The following NEK11 variants were observed in gnomAD, a reference collection of about 807,000 sequenced individuals.
The protein encoded by NEK11 is NIMA related kinase 11, also known as serine/threonine-protein kinase Nek11.
Under a neutral mutation model 80.7 loss-of-function variants are expected in NEK11, and 72 were observed. The ratio of observed to expected loss-of-function variants is 0.89; its 90% CI spans 0.74 to 1.08. The LOEUF (loss-of-function observed/expected upper bound fraction) is 1.08. Among genes scored for constraint, NEK11 ranks in the 50% least tolerant of loss-of-function variants. NEK11 has a pLI of 0.00. For missense variants in NEK11, 764 were observed against 763.6 expected, an observed-to-expected ratio of 1.00 and a Z score of -0.01; for synonymous variants, 251 against 260.7, an observed-to-expected ratio of 0.96 and a Z score of 0.36.
chr3:131,202,948 T>G (rs2094297963), intron 14 of NEK11, among the ~76,000 whole-genome samples: 1 of 152,158 alleles, frequency 6.6e-6, no homozygotes, highest in Non-Finnish European at 1.5e-5. Context: ...GGAGAGGATG[T>G]GGAGAAATAG....
chr3:131,226,498 A>G (rs12633927), intron 14 of NEK11, among the ~76,000 whole-genome samples: 7,068 of 152,234 alleles, frequency 0.046, 298 homozygotes, highest in African/African-American at 0.1. Context: ...CTCAGCCATT[A>G]AAAAAAGAAT....
At chr3:131,039,226 T>TA (rs2066091657) in intron 3 of NEK11, among the ~76,000 whole-genome samples, 1 of 152,194 alleles carries the variant, frequency 6.6e-6, no homozygotes, top group African/African-American at 2.4e-5. Flanking sequence ...TGTTTTATAA[T>TA]AAAAAGTGAG....
At chr3:131,072,948 C>G (rs1275286441) in intron 3 of NEK11, among the ~76,000 whole-genome samples, 1 of 152,122 alleles carries the variant, frequency 6.6e-6, no homozygotes, top group African/African-American at 2.4e-5. Context: ...TGCTCTGATG[C>G]ATTTTTTTTG....
At position 131,276,505 on chromosome 3, in the gene NEK11, C is replaced by T. The variant is rs553516236; in HGVS notation, c.1718+2931C>T. On this transcript the variant is annotated intron_variant, in intron 17 of 17. Transcript: ENST00000383366. Reference sequence around the variant, plus strand: ...GGGCCACTCTGGGAAGGGGCCGTGACTGAACAAGATGTTCACTTCTGTATT... The same window carrying T: ...GGGCCACTCTGGGAAGGGGCCGTGATTGAACAAGATGTTCACTTCTGTATT... 4.5e-4 allele frequency among the ~76,000 whole-genome samples: 68 copies of T among 152,308 alleles called. No individual in the cohort carries two copies. In the South Asian group the frequency reaches 0.014, roughly 31 times the overall value.
intron 3 of NEK11, among the ~76,000 whole-genome samples, chr3:131,030,405 A>G (rs550113016): frequency 3.0e-4 from 45 of 152,336 alleles, no homozygotes; most frequent in Non-Finnish European, 4.7e-4. Context: ...GAAATGGGAT[A>G]GATTATGTGA....
intron 14 of NEK11, among the ~76,000 whole-genome samples, chr3:131,222,192 CTT>C (rs1188177509): frequency 6.6e-6 from 1 of 152,140 alleles, no homozygotes; most frequent in Non-Finnish European, 1.5e-5. Flanking sequence ...CATAAATAGA[CTT>C]ATTCAGTGAA....
chr3:131,321,520 A>G (rs1241492816), intron 17 of NEK11, among the ~76,000 whole-genome samples: 4 of 149,022 alleles, frequency 2.7e-5, no homozygotes, highest in Admixed American at 1.3e-4. Context: ...ATTAAATGAA[A>G]AAGCTTCTGC....
intron 3 of NEK11, among the ~76,000 whole-genome samples, chr3:131,052,138 T>TG (rs2068533860): frequency 6.6e-6 from 1 of 151,320 alleles, no homozygotes; most frequent in South Asian, 2.1e-4. Context: ...TTTTTTGTTT[T>TG]TTTTTTTTTT....
intron 3 of NEK11, among the ~76,000 whole-genome samples, chr3:131,080,025 ATGTGTGTGTGTGTT>A (rs1560298230): frequency 9.6e-6 from 1 of 104,120 alleles, no homozygotes; most frequent in Non-Finnish European, 2.0e-5. Flanking sequence ...ACATATATAT[ATGTGTGTGTGTGTT>A]TGTGTGTGTG....
chr3:131,029,534 A>T (rs535076308), intron 2 of NEK11, 79 bp from the exon 3 acceptor site: 1 of 531,218 alleles, frequency 1.9e-6, no homozygotes, highest in South Asian at 3.3e-5. Context: ...CAAGGTGCAG[A>T]TATCACTGCA....
chr3:131,132,915 T>C (rs2084798262), intron 6 of NEK11, 106 bp downstream of exon 6: 1 of 569,852 alleles, frequency 1.8e-6, no homozygotes, highest in Non-Finnish European at 3.1e-6. Context: ...GAGTAATCAT[T>C]GGTTTGTTTA....
At chr3:131,298,350 G>T (rs1272297359) in intron 17 of NEK11, among the ~76,000 whole-genome samples, 1 of 151,994 alleles carries the variant, frequency 6.6e-6, no homozygotes, top group Non-Finnish European at 1.5e-5. Context: ...TTGAGCAGTG[G>T]TTTGTAGTTC....
chr3:131,123,433 G>A (rs2082733199), intron 5 of NEK11, among the ~76,000 whole-genome samples: 1 of 152,128 alleles, frequency 6.6e-6, no homozygotes, highest in Admixed American at 6.5e-5. Context: ...CCAAAGTGCT[G>A]GGATTACAGG....
intron 15 of NEK11, among the ~76,000 whole-genome samples, chr3:131,243,033 A>G (rs185847240): frequency 3.3e-4 from 50 of 152,292 alleles, no homozygotes; most frequent in Admixed American, 2.8e-3. Flanking sequence ...TTTCTGCTGT[A>G]TTGACTAAAT....
chr3:131,171,586 C>T (rs1002387485), intron 14 of NEK11, among the ~76,000 whole-genome samples: 2 of 152,190 alleles, frequency 1.3e-5, no homozygotes, highest in Non-Finnish European at 2.9e-5. Context: ...AACATAATCT[C>T]TCTAGGTCTC....
intron 4 of NEK11, among the ~76,000 whole-genome samples, chr3:131,108,982 T>C (rs1004617443): frequency 6.6e-6 from 1 of 152,136 alleles, no homozygotes; most frequent in African/African-American, 2.4e-5. Flanking sequence ...CTGATTTGAA[T>C]TTTATTGGCC....
intron 17 of NEK11, among the ~76,000 whole-genome samples, chr3:131,321,897 T>TTGGTGG (rs2096901113): frequency 6.6e-6 from 1 of 152,196 alleles, no homozygotes; most frequent in African/African-American, 2.4e-5. Context: ...GGTGGGAATG[T>TTGGTGG]AAATTAGTTC....
intron 17 of NEK11, among the ~76,000 whole-genome samples, chr3:131,314,896 T>C (rs1437952883): frequency 6.6e-6 from 1 of 152,202 alleles, no homozygotes; most frequent in East Asian, 1.9e-4. Context: ...AAGCTTCAAG[T>C]TAAATAGTTT....
intron 9 of NEK11, among the ~76,000 whole-genome samples, chr3:131,154,307 C>G (rs2090249810): frequency 6.6e-6 from 1 of 152,032 alleles, no homozygotes. Context: ...AAGGTATTCA[C>G]AGGGATCTGC....
Sources: gnomAD v4.1 joint callset for allele counts (sites outside exome capture counted in the v4.1 genomes callset) on GRCh38, gnomAD v4.1.1 for gene constraint, MANE v1.5 for transcripts, NCBI Gene and HGNC (gene_info 2026-07-23, HGNC 2026-07-21) for gene names.